Variants in TTC28 observed in about 807,000 individuals in gnomAD.
The protein encoded by TTC28 is tetratricopeptide repeat domain 28, also known as tetratricopeptide repeat protein 28.
In TTC28, 61 loss-of-function variants were observed where a neutral mutation model predicts 198.0. The observed-to-expected ratio is 0.31, with a 90% CI of 0.25 to 0.38. The LOEUF (loss-of-function observed/expected upper bound fraction) is 0.38. Among genes scored for constraint, TTC28 ranks in the 10% least tolerant of loss-of-function variants. The probability of loss-of-function intolerance (pLI) is 1.00; values close to 1 mark genes in which losing one functional copy is unlikely to be tolerated. For missense variants in TTC28, 2,678 were observed against 3,164.0 expected (o/e 0.85, Z 3.69); for synonymous variants, 1,171 against 1,297.8 (o/e 0.90, Z 2.10).
At chr22:28,383,427 T>C (rs1451006993) in intron 2 of TTC28, among the ~76,000 whole-genome samples, 1 of 152,224 alleles carries the variant, frequency 6.6e-6, no homozygotes, top group African/African-American at 2.4e-5. Flanking sequence ...ACGGTTATAA[T>C]ATACATCTCA....
At chr22:28,166,541 T>C (rs901888835) in intron 5 of TTC28, among the ~76,000 whole-genome samples, 13 of 152,124 alleles carry the variant, frequency 8.5e-5, no homozygotes, top group African/African-American at 2.9e-4. Flanking sequence ...CTCAACTACA[T>C]GGAAACTAAA....
intron 2 of TTC28, among the ~76,000 whole-genome samples, chr22:28,390,727 C>T (rs915424689): frequency 1.3e-5 from 2 of 152,040 alleles, no homozygotes; most frequent in Non-Finnish European, 2.9e-5. Context: ...TATTTTGAGC[C>T]TATGTGTGTC....
intron 2 of TTC28, among the ~76,000 whole-genome samples, chr22:28,441,263 A>AAT (rs2047617115): frequency 1.3e-5 from 2 of 152,222 alleles, no homozygotes; most frequent in South Asian, 4.1e-4. Context: ...ATGAATGTAG[A>AAT]GTTTGCAGAC....
At position 27,982,400 on chromosome 22, in the gene TTC28, C is replaced by T. The variant is rs1276703053; in HGVS notation, c.7267G>A (p.Gly2423Arg). ...LKELSLQQHD[G>R]APPKAPPNGH... ...TTGGGAGGGGCTTTCGGTGGAGCTC[C>T]GTCATGCTGCTGCAGGGACAGCTCC... The change falls in exon 23 of 23, where the codon GGA becomes AGA. Residue 2423 changes from glycine to arginine, a missense_variant. Gly to Arg is a moderately radical substitution (Grantham distance 125). Coordinates refer to ENST00000397906, the MANE Select transcript of TTC28 (RefSeq NM_001145418.2). This position sits in a 1 kb window ranked among gnomAD's most constrained non-coding sequence, Gnocchi z 5.2. 1.4e-5 allele frequency: 22 copies of T among 1,551,226 alleles called. No individual in the cohort carries two copies. Among genetic ancestry groups the T allele is most frequent in the African/African-American group, 1.2e-4 (9 of 72,962 alleles).
intron 12 of TTC28, among the ~76,000 whole-genome samples, chr22:28,065,551 CAT>C (rs922552694): frequency 1.1e-4 from 17 of 152,142 alleles, no homozygotes; most frequent in Non-Finnish European, 5.9e-5. Context: ...TTTAAGAAAA[CAT>C]GTTTTCTATG....
intron 2 of TTC28, among the ~76,000 whole-genome samples, chr22:28,420,742 G>A (rs1032269820): frequency 2.0e-5 from 3 of 151,968 alleles, no homozygotes; most frequent in Non-Finnish European, 4.4e-5. Flanking sequence ...AGGGATTACA[G>A]GTGTGCACTA....
intron 2 of TTC28, among the ~76,000 whole-genome samples, chr22:28,624,368 ACT>A (rs1232842899): frequency 6.6e-6 from 1 of 151,456 alleles, no homozygotes; most frequent in Non-Finnish European, 1.5e-5. Flanking sequence ...ACAGAGCAAG[ACT>A]CTGTCTCAAA....
chr22:28,109,208 A>G (rs1289990939), intron 6 of TTC28, among the ~76,000 whole-genome samples: 4 of 152,274 alleles, frequency 2.6e-5, no homozygotes, highest in Non-Finnish European at 5.9e-5. Context: ...TAAATGTGAA[A>G]CACTGGGGGA....
intron 12 of TTC28, among the ~76,000 whole-genome samples, chr22:28,085,098 T>C (rs1941526309): frequency 6.6e-6 from 1 of 151,974 alleles, no homozygotes; most frequent in Non-Finnish European, 1.5e-5. Flanking sequence ...CAGGATATTA[T>C]CCAGGAGAAC....
chr22:28,090,847 G>T (rs1941791699), intron 12 of TTC28, among the ~76,000 whole-genome samples: 2 of 152,134 alleles, frequency 1.3e-5, no homozygotes, highest in Admixed American at 1.3e-4. Flanking sequence ...CCAATAAAGT[G>T]TTTAATTTTA....
At chr22:28,275,945 T>C (rs1158161649) in intron 5 of TTC28, among the ~76,000 whole-genome samples, 1 of 152,012 alleles carries the variant, frequency 6.6e-6, no homozygotes, top group Non-Finnish European at 1.5e-5. Context: ...CTACAGAAAG[T>C]GACAGGCTTT....
intron 5 of TTC28, among the ~76,000 whole-genome samples, chr22:28,279,053 C>T (rs998019343): frequency 3.9e-5 from 6 of 151,928 alleles, no homozygotes; most frequent in African/African-American, 1.5e-4. Context: ...CTTTCACTAC[C>T]AAGACTTCTA....
chr22:28,285,720 T>C (rs1434909096), intron 5 of TTC28, among the ~76,000 whole-genome samples: 1 of 152,216 alleles, frequency 6.6e-6, no homozygotes, highest in East Asian at 1.9e-4. Context: ...TCAATAAGGC[T>C]GAATAAAATT....
At chr22:28,637,607 C>T (rs978272267) in intron 1 of TTC28, among the ~76,000 whole-genome samples, 11 of 152,210 alleles carry the variant, frequency 7.2e-5, no homozygotes, top group Middle Eastern at 3.4e-3. Context: ...GAAAGGTTTA[C>T]ACAACAGTCA....
chr22:28,298,811 T>C (rs2044955954), intron 3 of TTC28, among the ~76,000 whole-genome samples: 1 of 152,144 alleles, frequency 6.6e-6, no homozygotes, highest in African/African-American at 2.4e-5. Flanking sequence ...TCCTAGAAGA[T>C]GCTATAAAAG....
At chr22:28,385,195 G>A (rs1569295850) in intron 2 of TTC28, among the ~76,000 whole-genome samples, 1 of 149,664 alleles carries the variant, frequency 6.7e-6, no homozygotes, top group South Asian at 2.1e-4. Flanking sequence ...GTCATTTCCA[G>A]CTATGTGACC....
At chr22:28,353,558 C>T (rs546642747) in intron 2 of TTC28, among the ~76,000 whole-genome samples, 12 of 152,190 alleles carry the variant, frequency 7.9e-5, no homozygotes, top group African/African-American at 2.4e-4. Flanking sequence ...GTCGACTGAT[C>T]GCTAAATTTT....
At chr22:28,616,655 C>A (rs2050909258) in intron 2 of TTC28, among the ~76,000 whole-genome samples, 1 of 152,010 alleles carries the variant, frequency 6.6e-6, no homozygotes, top group Non-Finnish European at 1.5e-5. Flanking sequence ...AGTTTGAGAC[C>A]AGCTTGGGCA....
chr22:28,396,993 C>A (rs1431577615), intron 2 of TTC28, among the ~76,000 whole-genome samples: 1 of 152,190 alleles, frequency 6.6e-6, no homozygotes, highest in Non-Finnish European at 1.5e-5. Flanking sequence ...CAGCTTGACA[C>A]TGCTTTACAC....
Sources: gnomAD v4.1 joint callset for allele counts (sites outside exome capture counted in the v4.1 genomes callset) on GRCh38, gnomAD v4.1.1 for gene constraint, Gnocchi (gnomAD v3.1) non-coding constraint, MANE v1.5 for transcripts, NCBI Gene and HGNC (gene_info 2026-07-23, HGNC 2026-07-21) for gene names.